The following DCLK3 variants were observed in gnomAD, a reference collection of about 807,000 sequenced individuals.
DCLK3 encodes doublecortin like kinase 3.
A neutral mutation model predicts 46.4 loss-of-function variants in DCLK3; 30 were observed. The observed-to-expected ratio is 0.65, with a 90% confidence interval of 0.48 to 0.88. The LOEUF (loss-of-function observed/expected upper bound fraction) is 0.88, where lower values mean the gene tolerates loss of function less well. Among genes scored for constraint, DCLK3 ranks in the 40% least tolerant of loss-of-function variants. DCLK3 has a pLI of 0.00. For synonymous variants in DCLK3, 401 were observed against 339.2 expected (o/e 1.18, Z -2.00); for missense variants, 846 against 907.1 (o/e 0.93, Z 0.87).
chr3:36,750,395 T>C (rs1057214538), intron 1 of DCLK3, among the ~76,000 whole-genome samples: 3 of 152,216 alleles, frequency 2.0e-5, no homozygotes, highest in Non-Finnish European at 4.4e-5. Context: ...TTAAGTTCTT[T>C]TCAATTTATT....
chr3:36,734,088 C>T (rs1028858050), intron 2 of DCLK3, among the ~76,000 whole-genome samples: 2 of 152,172 alleles, frequency 1.3e-5, no homozygotes, highest in African/African-American at 2.4e-5. Context: ...TTAAAGGCAA[C>T]TGAAGAACAC....
intron 1 of DCLK3, among the ~76,000 whole-genome samples, chr3:36,744,563 C>A (rs1701377564): frequency 6.6e-6 from 1 of 152,218 alleles, no homozygotes; most frequent in South Asian, 2.1e-4. Context: ...CTCAGTTTCA[C>A]CACCTGCCAA....
Position 36,764,246 on chromosome 3 carries a change from T to A in DCLK3, c.18A>T (p.Pro6=), listed in dbSNP as rs900284349. 6.8e-6 allele frequency: 2 copies of A among 292,358 alleles called. No individual in the cohort carries two copies. Among genetic ancestry groups the A allele is most frequent in the Non-Finnish European group, 1.3e-5 (2 of 159,272 alleles). 18.1% of individuals were successfully genotyped at this position (292,358 alleles called of 1,614,324 possible). A position where few individuals can be genotyped will look rare whatever the true frequency, so the allele number is the denominator to read the frequency against. Residue 6 remains proline (P), a synonymous_variant, in exon 1 of 5, where the codon CCA becomes CCT. Coordinates refer to ENST00000636136, the MANE Select transcript of DCLK3 (RefSeq NM_001394672.2). The surrounding 1 kb of genome is among the most constrained non-coding windows in gnomAD (Gnocchi z 4.9). ...CCGGGGGCGGCGGCGGCTGCGGGGC[T>A]GGAGTGGCGGCGGGCATGGCGCGGC... The part of the protein sequence containing the change: MPAAT[P]APQPPPPPAR...
chr3:36,729,246 TGTGGG>T lies in DCLK3; in HGVS notation c.1960-7592_1960-7588del, dbSNP rs774299282. Reference sequence around the variant, plus strand: ...AGGGTTTTCCCGGGTTGTGTGTGTGTGTGGGGGGGGGGGGTACAAAAGCCCCCTTT... The same window carrying T: ...AGGGTTTTCCCGGGTTGTGTGTGTGTGGGGGGGGGTACAAAAGCCCCCTTT... On this transcript the variant is annotated intron_variant, in intron 2 of 4. Coordinates refer to ENST00000636136, the MANE Select transcript of DCLK3 (RefSeq NM_001394672.2). Among the ~76,000 whole-genome samples, 56 of 42,024 alleles carry T rather than the reference TGTGGG, an allele frequency of 1.3e-3. 1 individual carries two copies. The highest frequency in any genetic ancestry group is 0.014 in the Middle Eastern group (1 of 72). 27.6% of individuals were successfully genotyped at this position (42,024 alleles called of 152,430 possible).
chr3:36,724,611 CAAA>C (rs909892180), intron 2 of DCLK3, among the ~76,000 whole-genome samples: 2 of 152,084 alleles, frequency 1.3e-5, no homozygotes, highest in Non-Finnish European at 2.9e-5. Context: ...CTGACAGTTT[CAAA>C]AATGGGAGTT....
In DCLK3 at chr3:36,738,845, G is replaced by A. The variant is rs1701307902; in HGVS notation, c.322C>T (p.Arg108Ter). The A allele has an allele frequency of 1.0e-5, 7 of 693,666 alleles. No individual in the cohort carries two copies. The highest frequency in any genetic ancestry group is 6.5e-5 in the East Asian group (2 of 30,676). The allele number at this position is 693,666 out of a possible 1,614,324, so 43.0% of individuals were successfully genotyped here. Residue 108 changes from arginine to a stop codon, truncating the protein, a stop_gained, in exon 2 of 5, where the codon CGA becomes TGA. Coordinates refer to ENST00000636136, the MANE Select transcript of DCLK3 (RefSeq NM_001394672.2). LOFTEE classifies it high-confidence loss of function. ...CTGTTGAGGAGCAGAGTGATCTTTC[G>A]GGGGCGCTGCCCACCCAGCTTCACT... ...TVVKLGGQRP[R>*]KITLLLNRRS...
Position 36,715,337 on chromosome 3 carries a change from C to T in DCLK3, c.2445G>A (p.Gln815=). ...FRSQHKRVVE[Q]VS ...ATTCCCAAGGTGGTGACTATGATAC[C>T]TGCTCCACAACCCTCTTGTGCTGGC... Residue 815 remains glutamine, a synonymous_variant, in exon 5 of 5, where the codon CAG becomes CAA. Transcript: ENST00000636136. The T allele has an allele frequency of 6.2e-7, 1 of 1,614,084 alleles. No individual in the cohort carries two copies. Among genetic ancestry groups the T allele is most frequent in the Admixed American group, 1.7e-5 (1 of 60,002 alleles).
Position 36,737,043 on chromosome 3 carries a change from C to T in DCLK3, c.1959+165G>A, listed in dbSNP as rs1422347832. ...AATCAAAACTAATTTATCTCAGCAA[C>T]TTATGACCTATAACCATAGTTTTAA... On this transcript the variant is annotated intron_variant, in intron 2 of 4. Coordinates refer to ENST00000636136, the MANE Select transcript of DCLK3 (RefSeq NM_001394672.2). This position sits in a 1 kb window ranked among gnomAD's most constrained non-coding sequence, Gnocchi z 4.4. Among the ~76,000 whole-genome samples the T allele has an allele frequency of 2.0e-5, 3 of 152,184 alleles. No individual in the cohort carries two copies. Among genetic ancestry groups the T allele is most frequent in the Middle Eastern group, 3.2e-3 (1 of 316 alleles).
intron 2 of DCLK3, among the ~76,000 whole-genome samples, chr3:36,730,044 T>A (rs1219287493): frequency 2.0e-5 from 3 of 151,958 alleles, no homozygotes; most frequent in African/African-American, 7.3e-5. Flanking sequence ...CCACGTGTGG[T>A]GGTTTATACC....
Position 36,712,753 on chromosome 3 carries a change from C to T in DCLK3, c.*2575G>A, listed in dbSNP as rs1346736769. On this transcript the variant is annotated 3_prime_UTR_variant, in exon 5 of 5. Transcript: ENST00000636136. ...CAGCCTAATTCTTTGGCAGTCCATC[C>T]ATGTTGTTCGTGTATGAATAGTTCA... 2 of 152,124 alleles carry T rather than the reference C, an allele frequency of 1.3e-5. No individual in the cohort carries two copies. Among genetic ancestry groups the T allele is most frequent in the African/African-American group, 4.8e-5 (2 of 41,420 alleles). The allele number at this position is 152,124 out of a possible 1,614,324, so 9.4% of individuals were successfully genotyped here. A position where few individuals can be genotyped will look rare whatever the true frequency, so the allele number is the denominator to read the frequency against.
At chr3:36,721,280 A>AACACAC (rs3034440) in intron 3 of DCLK3, among the ~76,000 whole-genome samples, 22 of 150,266 alleles carry the variant, frequency 1.5e-4, no homozygotes, top group African/African-American at 3.9e-4. Flanking sequence ...AAACACAATA[A>AACACAC]ACACACACAC....
chr3:36,712,509 A>G lies in DCLK3; in HGVS notation c.*2819T>C, dbSNP rs1162444413. ...TACAATTTGGTAAGTTTTGACATAT[A>G]TACCCCCATAAATCCATTATTACAT... On this transcript the variant is annotated 3_prime_UTR_variant, in exon 5 of 5. Transcript: ENST00000636136. 6.6e-6 allele frequency: 1 copy of G among 152,178 alleles called. No individual in the cohort carries two copies. Among genetic ancestry groups the G allele is most frequent in the Non-Finnish European group, 1.5e-5 (1 of 68,030 alleles). The allele number at this position is 152,178 out of a possible 1,614,324, so 9.4% of individuals were successfully genotyped here.
intron 1 of DCLK3, among the ~76,000 whole-genome samples, chr3:36,744,125 C>T (rs1019399007): frequency 1.5e-4 from 23 of 152,216 alleles, no homozygotes; most frequent in African/African-American, 5.1e-4. Context: ...TCTCCAAAAG[C>T]AGAGACCAGG....
At chr3:36,761,584 A>T (rs1701540244) in intron 1 of DCLK3, among the ~76,000 whole-genome samples, 1 of 152,216 alleles carries the variant, frequency 6.6e-6, no homozygotes, top group African/African-American at 2.4e-5. Context: ...GCAGACGGGC[A>T]AAATTTAGAC....
chr3:36,739,933 A>C (rs1701326630), intron 1 of DCLK3: 1 of 152,238 alleles, frequency 6.6e-6, no homozygotes, highest in Non-Finnish European at 1.5e-5. Context: ...GGAACATTCC[A>C]GAATTTTGAA....
At chr3:36,751,495 G>C (rs1337546527) in intron 1 of DCLK3, among the ~76,000 whole-genome samples, 1 of 152,250 alleles carries the variant, frequency 6.6e-6, no homozygotes, top group East Asian at 1.9e-4. Flanking sequence ...CTGCTTCTCT[G>C]CTGAGAAGCC....
At chr3:36,762,707 G>C (rs890443025) in intron 1 of DCLK3, among the ~76,000 whole-genome samples, 1 of 152,196 alleles carries the variant, frequency 6.6e-6, no homozygotes, top group African/African-American at 2.4e-5. Flanking sequence ...AAGAGATGGA[G>C]GGACTGGCAA....
Position 36,715,045 on chromosome 3 carries a change from A to C in DCLK3, c.*283T>G, listed in dbSNP as rs571294917. Reference sequence around the variant, plus strand: ...TGTAGTACAGAATAAACTTGGTTACAAAGGGGAAGCAAAACACATCATTAT... The same window carrying C: ...TGTAGTACAGAATAAACTTGGTTACCAAGGGGAAGCAAAACACATCATTAT... On this transcript the variant is annotated 3_prime_UTR_variant, in exon 5 of 5. Coordinates refer to ENST00000636136, the MANE Select transcript of DCLK3 (RefSeq NM_001394672.2). 4.0e-5 allele frequency: 15 copies of C among 371,836 alleles called. No individual in the cohort carries two copies. Among genetic ancestry groups the C allele is most frequent in the African/African-American group, 3.0e-4 (14 of 47,082 alleles). 23.0% of individuals were successfully genotyped at this position (371,836 alleles called of 1,614,324 possible). A position where few individuals can be genotyped will look rare whatever the true frequency, so the allele number is the denominator to read the frequency against.
intron 2 of DCLK3, among the ~76,000 whole-genome samples, chr3:36,731,566 A>T (rs1559389189): frequency 1.3e-5 from 2 of 151,894 alleles, no homozygotes; most frequent in East Asian, 3.9e-4. Flanking sequence ...TATCCCCATA[A>T]CTACACAGAA....
Sources: gnomAD v4.1 joint callset for allele counts (sites outside exome capture counted in the v4.1 genomes callset) on GRCh38, gnomAD v4.1.1 for gene constraint, Gnocchi (gnomAD v3.1) non-coding constraint, MANE v1.5 for transcripts, NCBI Gene and HGNC (gene_info 2026-07-23, HGNC 2026-07-21) for gene names.